The following PIEZO2 variants were observed in gnomAD, a reference collection of about 807,000 sequenced individuals.
PIEZO2 encodes piezo type mechanosensitive ion channel component 2.
A neutral mutation model predicts 337.3 loss-of-function variants in PIEZO2; 172 were observed. The ratio of observed to expected loss-of-function variants is 0.51; its 90% CI spans 0.45 to 0.58. The LOEUF is 0.58. PIEZO2 is among the 20% of genes least tolerant of loss of function. The pLI is 0.00. For missense variants in PIEZO2, 3,028 were observed against 3,391.3 expected (o/e 0.89, Z 2.66); for synonymous variants, 1,251 against 1,228.5 (o/e 1.02, Z -0.38).
At chr18:10,675,930 G>A (rs374415941) in intron 53 of PIEZO2, among the ~76,000 whole-genome samples, 4 of 152,056 alleles carry the variant, frequency 2.6e-5, no homozygotes, top group South Asian at 2.1e-4. Context: ...CTCCTCCTTC[G>A]CCTTCCACCA....
At chr18:10,811,865 G>A (rs985691177) in intron 7 of PIEZO2, among the ~76,000 whole-genome samples, 13 of 152,244 alleles carry the variant, frequency 8.5e-5, no homozygotes, top group Non-Finnish European at 1.6e-4. Flanking sequence ...ACGGAGTCTC[G>A]CTCTGTCGCC....
At chr18:10,730,407 A>G (rs1208343996) in intron 36 of PIEZO2, among the ~76,000 whole-genome samples, 1 of 152,126 alleles carries the variant, frequency 6.6e-6, no homozygotes, top group East Asian at 1.9e-4. Context: ...TTGTTTTTTC[A>G]CACGCTCTCA....
rs535974499 is a variant in PIEZO2, at chr18:11,018,737, C to T, written c.161-39077G>A. On this transcript the variant is annotated intron_variant, in intron 2 of 55. Coordinates refer to ENST00000674853, the MANE Select transcript of PIEZO2 (RefSeq NM_001378183.1). The stretch of plus-strand genomic sequence containing the variant: ...GAGACAAGGAACAGAAATGATGTCT[C>T]CTTCCTTTTGGAACCCCATGAAGAG... 2.6e-5 allele frequency among the ~76,000 whole-genome samples: 4 copies of T among 152,196 alleles called. No individual in the cohort carries two copies. In the South Asian group the frequency reaches 8.3e-4, roughly 32 times the overall value.
chr18:10,704,477 G>A lies in PIEZO2; in HGVS notation c.6175C>T (p.Pro2059Ser). 9.8e-6 allele frequency: 15 copies of A among 1,537,244 alleles called. No individual in the cohort carries two copies. The highest frequency in any genetic ancestry group is 1.3e-5 in the Non-Finnish European group (15 of 1,146,908). The change falls in exon 42 of 56, where the codon CCC (proline) becomes TCC (serine). Residue 2059 changes from proline to serine, a missense_variant. Pro to Ser is a moderately conservative substitution (Grantham distance 74). Transcript: ENST00000674853. ...VSASMITLLL[P>S]ILIFLWAMLS... The stretch of plus-strand genomic sequence containing the variant: ...ATGGCCCAGAGGAAGATGAGGATGG[G>A]AAGCAGGAGCGTGATCATGGAGGCA...
intron 12 of PIEZO2, 53 bp downstream of exon 12, chr18:10,797,321 C>T: frequency 7.6e-7 from 1 of 1,321,566 alleles, no homozygotes; most frequent in Non-Finnish European, 1.0e-6. Context: ...GCACACATAC[C>T]ATCATATCAT....
At chr18:10,939,100 C>G (rs2032572154) in intron 3 of PIEZO2, among the ~76,000 whole-genome samples, 1 of 152,020 alleles carries the variant, frequency 6.6e-6, no homozygotes, top group Non-Finnish European at 1.5e-5. Context: ...TGTAAGTTTA[C>G]ATTCTTAACA....
chr18:10,678,902 T>C (rs184716386), intron 52 of PIEZO2, among the ~76,000 whole-genome samples: 58 of 151,120 alleles, frequency 3.8e-4, no homozygotes, highest in Admixed American at 3.8e-3. Flanking sequence ...GGAATGCAAG[T>C]GATAATATGG....
intron 1 of PIEZO2, among the ~76,000 whole-genome samples, chr18:11,108,465 G>A (rs34109317): frequency 1.3e-4 from 20 of 150,880 alleles, no homozygotes; most frequent in Non-Finnish European, 2.4e-4. Flanking sequence ...AATACAAAAA[G>A]TAGCCGGGCG....
In PIEZO2 at chr18:11,127,786, C is replaced by CGTGT. The variant is rs1282180047; in HGVS notation, c.64+20735_64+20738dup. The stretch of plus-strand genomic sequence containing the variant: ...GGTATATATGATATATATGCATATA[C>CGTGT]GTGTGTGTGTGTGTGCATGTGTGTG... On this transcript the variant is annotated intron_variant, in intron 1 of 55. Transcript: ENST00000674853. The surrounding 1 kb of genome is among the most constrained non-coding windows in gnomAD (Gnocchi z 4.5). 7.8e-5 allele frequency among the ~76,000 whole-genome samples: 7 copies of CGTGT among 89,730 alleles called. No homozygotes were observed. Among genetic ancestry groups the CGTGT allele is most frequent in the East Asian group, 6.4e-4 (2 of 3,112 alleles). 58.9% of individuals were successfully genotyped at this position (89,730 alleles called of 152,430 possible).
intron 2 of PIEZO2, among the ~76,000 whole-genome samples, chr18:10,999,641 G>C (rs1441586165): frequency 6.6e-6 from 1 of 152,116 alleles, no homozygotes; most frequent in Non-Finnish European, 1.5e-5. Flanking sequence ...AAGGATTTCA[G>C]CATCTTGGGG....
intron 41 of PIEZO2, among the ~76,000 whole-genome samples, chr18:10,704,981 G>A (rs1452495856): frequency 2.0e-5 from 3 of 152,222 alleles, no homozygotes; most frequent in African/African-American, 7.2e-5. Flanking sequence ...ATGAGCCACT[G>A]CGCCCGGCCA....
In PIEZO2 at chr18:10,870,306, T is replaced by C. The variant is rs1353883077; in HGVS notation, c.492+947A>G. 6.6e-6 allele frequency among the ~76,000 whole-genome samples: 1 copy of C among 152,166 alleles called. No homozygotes were observed. Among genetic ancestry groups the C allele is most frequent in the Non-Finnish European group, 1.5e-5 (1 of 68,020 alleles). ...TAAATCATTTTCCATAAGTGAGAAT[T>C]TTCCTCCCTCAATGGCTCATCGGTT... On this transcript the variant is annotated intron_variant, in intron 5 of 55. Transcript: ENST00000674853. The surrounding 1 kb of genome is among the most constrained non-coding windows in gnomAD (Gnocchi z 5.3).
intron 1 of PIEZO2, among the ~76,000 whole-genome samples, chr18:11,082,121 A>C (rs1303664722): frequency 6.6e-6 from 1 of 152,092 alleles, no homozygotes; most frequent in Non-Finnish European, 1.5e-5. Flanking sequence ...TTGAAAACTA[A>C]ACTTTAACAG....
At chr18:10,720,509 G>A (rs989145806) in intron 36 of PIEZO2, among the ~76,000 whole-genome samples, 4 of 138,118 alleles carry the variant, frequency 2.9e-5, no homozygotes, top group African/African-American at 1.1e-4. Context: ...CCAGGTTGGA[G>A]TGCAATGGTG....
At chr18:10,887,631 TACTC>T (rs1421985173) in intron 4 of PIEZO2, among the ~76,000 whole-genome samples, 1 of 152,202 alleles carries the variant, frequency 6.6e-6, no homozygotes, top group African/African-American at 2.4e-5. Context: ...TTGCCACACA[TACTC>T]ACAGCATTTT....
intron 3 of PIEZO2, among the ~76,000 whole-genome samples, chr18:10,927,779 A>G (rs576282608): frequency 6.6e-6 from 1 of 152,308 alleles, no homozygotes; most frequent in East Asian, 1.9e-4. Context: ...GTCCAGCTCA[A>G]AGCAAGCCAG....
rs368896513 is a variant in PIEZO2, at chr18:10,732,445, T to C, written c.4915-924A>G. 2.6e-4 allele frequency among the ~76,000 whole-genome samples: 40 copies of C among 152,340 alleles called. 2 individuals are homozygous for C. Among genetic ancestry groups the C allele is most frequent in the African/African-American group, 9.6e-4 (40 of 41,578 alleles). ...AGTATTTTCAGATTTCTGAAATCTT[T>C]GAAAAACACAGCATAAGCAAATCAG... On this transcript the variant is annotated intron_variant, in intron 35 of 55. Transcript: ENST00000674853.
At chr18:11,037,107 G>C (rs2036951069) in intron 2 of PIEZO2, among the ~76,000 whole-genome samples, 2 of 152,162 alleles carry the variant, frequency 1.3e-5, no homozygotes, top group Admixed American at 6.5e-5. Flanking sequence ...TGGGATTACA[G>C]ACACCCACCA....
Position 10,677,724 on chromosome 18 carries a change from T to C in PIEZO2, c.8081+23A>G. The C allele has an allele frequency of 6.2e-7, 1 of 1,604,734 alleles. No individual in the cohort carries two copies. The highest frequency in any genetic ancestry group is 1.1e-5 in the South Asian group (1 of 87,814). ...GCTGCATATACCTAACAAAGCTCTA[T>C]TAGTAGGAAAAAATACACTTACACT... On this transcript the variant is annotated intron_variant, in intron 53 of 55. Transcript: ENST00000674853. The surrounding 1 kb of genome is among the most constrained non-coding windows in gnomAD (Gnocchi z 4.1).
Sources: allele counts gnomAD v4.1 joint callset (sites outside exome capture counted in the v4.1 genomes callset), GRCh38; gene constraint gnomAD v4.1.1; non-coding constraint Gnocchi (gnomAD v3.1); transcripts MANE v1.5; gene names NCBI Gene and HGNC (gene_info 2026-07-23, HGNC 2026-07-21).